OR7E24: variants seen among roughly 807,000 people sequenced by gnomAD.
OR7E24 encodes the protein olfactory receptor family 7 subfamily E member 24, also known as olfactory receptor 7E24.
For missense variants in OR7E24, 385 were observed against 410.3 expected (o/e 0.94, Z 0.53); for synonymous variants, 130 against 157.5 (o/e 0.83, Z 1.31).
At chr19:9,246,466 T>TGGTG (rs1555720675), upstream of OR7E24, among the ~76,000 whole-genome samples, 2,289 of 131,050 alleles carry the variant, frequency 0.017, 25 homozygotes, top group African/African-American at 0.026. Flanking sequence ...CTTAAAGGTA[T>TGGTG]TGTGTGTGTG....
chr19:9,230,788 G>A, the OR7E24 span, among the ~76,000 whole-genome samples: 8 of 152,050 alleles, frequency 5.3e-5, no homozygotes, highest in Non-Finnish European at 8.8e-5. Flanking sequence ...TTTGAAACTC[G>A]GGCCAATTTC....
chr19:9,236,341 C>A, the OR7E24 span, among the ~76,000 whole-genome samples: 6 of 151,914 alleles, frequency 3.9e-5, no homozygotes, highest in African/African-American at 1.5e-4. Context: ...GAAACCCTGT[C>A]TCTACCAAAA....
chr19:9,240,270 C>A, the OR7E24 span, among the ~76,000 whole-genome samples: 20 of 152,124 alleles, frequency 1.3e-4, no homozygotes, highest in African/African-American at 4.8e-4. Context: ...TAGCCTGATG[C>A]AATCTCATTT....
the OR7E24 span, among the ~76,000 whole-genome samples, chr19:9,216,232 G>A: frequency 7.9e-4 from 120 of 152,210 alleles, no homozygotes; most frequent in African/African-American, 2.5e-3. Flanking sequence ...TGCCTCTGTG[G>A]CCTCCTTGTT....
chr19:9,225,435 G>A, the OR7E24 span, among the ~76,000 whole-genome samples: 2 of 143,778 alleles, frequency 1.4e-5, no homozygotes, highest in South Asian at 2.4e-4. Flanking sequence ...AGGAAGCGAA[G>A]GAAGAAAGAA....
At chr19:9,244,180 T>G (rs756049357), upstream of OR7E24, among the ~76,000 whole-genome samples, 5 of 152,248 alleles carry the variant, frequency 3.3e-5, no homozygotes, top group Non-Finnish European at 5.9e-5. Flanking sequence ...CTCCAAAGCC[T>G]AGCAGGTTTT....
the OR7E24 span, among the ~76,000 whole-genome samples, chr19:9,241,120 G>T: frequency 6.6e-6 from 1 of 152,118 alleles, no homozygotes; most frequent in Non-Finnish European, 1.5e-5. Flanking sequence ...CAGGCCTGTT[G>T]ATCTGTTTTT....
the OR7E24 span, among the ~76,000 whole-genome samples, chr19:9,233,891 G>A: frequency 2.0e-5 from 3 of 146,994 alleles, no homozygotes; most frequent in East Asian, 4.1e-4. Context: ...GCAGCTAAGA[G>A]GGTTTACATG....
At chr19:9,235,727 T>A in the OR7E24 span, 32,571 of 1,605,616 alleles carry the variant, frequency 0.02, 450 homozygotes, top group East Asian at 0.072. Flanking sequence ...GCTCTCCTCA[T>A]TAACATTGTC....
chr19:9,226,543 T>C, the OR7E24 span, among the ~76,000 whole-genome samples: 2 of 152,256 alleles, frequency 1.3e-5, no homozygotes, highest in Non-Finnish European at 2.9e-5. Flanking sequence ...GAACAGGCTA[T>C]GACCTAATGC....
the OR7E24 span, among the ~76,000 whole-genome samples, chr19:9,236,770 G>A: frequency 9.2e-5 from 14 of 151,932 alleles, no homozygotes; most frequent in South Asian, 2.1e-4. Context: ...ATGCTGACAC[G>A]CGTCCTCGAA....
upstream of OR7E24, among the ~76,000 whole-genome samples, chr19:9,249,791 A>G (rs908220969): frequency 6.6e-6 from 1 of 152,020 alleles, no homozygotes; most frequent in African/African-American, 2.4e-5. Context: ...CATCTCTACT[A>G]AAAATACAAA....
In OR7E24 at chr19:9,251,405, T is replaced by C. The variant is rs1349309487; in HGVS notation, c.362T>C (p.Phe121Ser). 6.2e-7 allele frequency: 1 copy of C among 1,614,202 alleles called. No individual in the cohort carries two copies. The highest frequency in any genetic ancestry group is 2.2e-5 in the East Asian group (1 of 44,886). ...SYEGCLTQMSFFVLFACMDDM... is the reference protein window; with the variant it reads ...SYEGCLTQMSSFVLFACMDDM... ...GAAGGCTGCCTGACTCAGATGTCTTTTTTTGTCCTTTTTGCATGTATGGAT... is the reference window on the plus strand; with the variant it reads ...GAAGGCTGCCTGACTCAGATGTCTTCTTTTGTCCTTTTTGCATGTATGGAT... Residue 121 changes from phenylalanine (F) to serine (S), a missense_variant, in exon 1 of 1, where the codon TTT becomes TCT. Coordinates refer to ENST00000456448, the MANE Select transcript of OR7E24 (RefSeq NM_001079935.2).
At chr19:9,230,345 T>C in the OR7E24 span, among the ~76,000 whole-genome samples, 895 of 152,174 alleles carry the variant, frequency 5.9e-3, 12 homozygotes, top group African/African-American at 0.02. Context: ...GCGCCCAGCC[T>C]TGAAGTTCCT....
At chr19:9,250,707 A>G (rs915868031), upstream of OR7E24, among the ~76,000 whole-genome samples, 1 of 152,240 alleles carries the variant, frequency 6.6e-6, no homozygotes, top group Non-Finnish European at 1.5e-5. Context: ...ACTCCTTCTT[A>G]GTATCCTTTC....
At chr19:9,245,624 TATTAA>T (rs1421705556), upstream of OR7E24, among the ~76,000 whole-genome samples, 13 of 152,188 alleles carry the variant, frequency 8.5e-5, no homozygotes, top group Non-Finnish European at 1.8e-4. Context: ...AAAAGTTAAA[TATTAA>T]ATTCGAACTC....
rs2066153403 is a variant in OR7E24, at chr19:9,252,610, T to C, written c.*547T>C. On this transcript the variant is annotated 3_prime_UTR_variant, in exon 1 of 1. Transcript: ENST00000456448. ...GTCCAAATCGCATCTAGGAAATCAC[T>C]TTAGGCAGCTTACGTATGATGATGT... 6.5e-6 allele frequency: 1 copy of C among 153,618 alleles called. No individual in the cohort carries two copies. Among genetic ancestry groups the C allele is most frequent in the East Asian group, 1.9e-4 (1 of 5,220 alleles). The allele number at this position is 153,618 out of a possible 1,614,324, so 9.5% of individuals were successfully genotyped here.
the OR7E24 span, chr19:9,235,388 T>C: frequency 6.4e-7 from 1 of 1,567,362 alleles, no homozygotes; most frequent in Non-Finnish European, 8.8e-7. Flanking sequence ...CCCAAGATGC[T>C]AGTGAACATC....
the OR7E24 span, among the ~76,000 whole-genome samples, chr19:9,215,083 G>A: frequency 3.5e-4 from 53 of 152,178 alleles, no homozygotes; most frequent in East Asian, 7.5e-3. Flanking sequence ...GGTGGCTCAC[G>A]CCTGTAATCC....
Sources: allele counts gnomAD v4.1 joint callset (sites outside exome capture counted in the v4.1 genomes callset), GRCh38; gene constraint gnomAD v4.1.1; transcripts MANE v1.5; gene names NCBI Gene and HGNC (gene_info 2026-07-23, HGNC 2026-07-21).